Variants in TTC3 observed in about 807,000 individuals in gnomAD.
TTC3 encodes tetratricopeptide repeat domain 3.
In TTC3, 180 loss-of-function variants were observed where a neutral mutation model predicts 249.6. That is an observed-to-expected ratio of 0.72 (90% CI 0.64 to 0.82). TTC3 has a LOEUF of 0.82. Ranked by LOEUF, TTC3 falls within the 40% of genes least tolerant of loss-of-function variation. The pLI is 0.00. For missense variants in TTC3, 2,061 were observed against 2,398.4 expected (o/e 0.86, Z 2.94); for synonymous variants, 717 against 805.0 (o/e 0.89, Z 1.85).
At chr21:37,146,376 A>G (rs2078981350) in intron 21 of TTC3, among the ~76,000 whole-genome samples, 1 of 152,224 alleles carries the variant, frequency 6.6e-6, no homozygotes, top group South Asian at 2.1e-4. Flanking sequence ...AAAATTAGCC[A>G]AACATAGTGG....
At chr21:37,151,842 G>A in intron 25 of TTC3, 51 bp from the exon 26 acceptor site, 1 of 1,496,944 alleles carries the variant, frequency 6.7e-7, no homozygotes, top group Non-Finnish European at 8.9e-7. Flanking sequence ...TTCTACGATA[G>A]TCAAAGGAAA....
intron 13 of TTC3, among the ~76,000 whole-genome samples, chr21:37,123,996 G>A (rs896697894): frequency 1.3e-5 from 2 of 151,522 alleles, no homozygotes; most frequent in Non-Finnish European, 2.9e-5. Flanking sequence ...TGATCCGCTC[G>A]CCTTGGCCTC....
intron 14 of TTC3, 93 bp downstream of exon 14, chr21:37,124,835 G>T (rs2076928570): frequency 2.1e-6 from 3 of 1,424,006 alleles, no homozygotes; most frequent in South Asian, 1.4e-5. Flanking sequence ...CCAAATTTTT[G>T]GCGATTTGAA....
intron 34 of TTC3, among the ~76,000 whole-genome samples, chr21:37,170,484 T>C (rs2081664398): frequency 6.6e-6 from 1 of 152,212 alleles, no homozygotes. Flanking sequence ...CATATATGTA[T>C]AGAGAGACCA....
chr21:37,170,813 AAG>A (rs1159856058), intron 34 of TTC3, among the ~76,000 whole-genome samples: 1 of 152,218 alleles, frequency 6.6e-6, no homozygotes, highest in Non-Finnish European at 1.5e-5. Flanking sequence ...AAAATTATGA[AAG>A]AGAAATTGAA....
intron 10 of TTC3, among the ~76,000 whole-genome samples, chr21:37,105,484 CAGA>C (rs1018384513): frequency 6.6e-6 from 1 of 152,110 alleles, no homozygotes; most frequent in Non-Finnish European, 1.5e-5. Flanking sequence ...ACATCTTTAG[CAGA>C]AGAAGGACAA....
chr21:37,167,593 G>C (rs2081362892), exon 34 of TTC3: 1 of 1,610,160 alleles, frequency 6.2e-7, no homozygotes, highest in African/African-American at 1.3e-5. Flanking sequence ...TCAATACTGA[G>C]CCATATAATC....
At chr21:37,166,910 G>A (rs3746872) in intron 33 of TTC3, among the ~76,000 whole-genome samples, 1,560 of 152,250 alleles carry the variant, frequency 0.01, 16 homozygotes, top group East Asian at 0.03. Context: ...AATTAATAAA[G>A]GTGCTGGAGG....
intron 16 of TTC3, among the ~76,000 whole-genome samples, chr21:37,130,500 C>A (rs1343257584): frequency 3.3e-5 from 5 of 152,104 alleles, no homozygotes; most frequent in Non-Finnish European, 7.3e-5. Flanking sequence ...AATGGGATAA[C>A]CACGTAAAAC....
At chr21:37,197,250 C>T (rs2148240682) in intron 42 of TTC3, among the ~76,000 whole-genome samples, 1 of 152,224 alleles carries the variant, frequency 6.6e-6, no homozygotes, top group East Asian at 1.9e-4. Flanking sequence ...TCGGGACCAG[C>T]CTGACCAACA....
chr21:37,110,913 A>G (rs2075599582), intron 11 of TTC3, among the ~76,000 whole-genome samples: 1 of 152,226 alleles, frequency 6.6e-6, no homozygotes, highest in South Asian at 2.1e-4. Context: ...ACATTCTTAA[A>G]GAAAAGAATT....
intron 32 of TTC3, among the ~76,000 whole-genome samples, chr21:37,164,929 G>A (rs1426092745): frequency 2.0e-5 from 3 of 152,124 alleles, no homozygotes; most frequent in African/African-American, 7.2e-5. Flanking sequence ...CTGTTTTCCT[G>A]TATTGCATCA....
intron 10 of TTC3, among the ~76,000 whole-genome samples, chr21:37,107,000 G>T (rs926735265): frequency 2.6e-5 from 4 of 151,728 alleles, no homozygotes; most frequent in Non-Finnish European, 5.9e-5. Flanking sequence ...CACGAATCAG[G>T]TCATTATGTG....
intron 1 of TTC3, among the ~76,000 whole-genome samples, chr21:37,075,185 G>C (rs957944767): frequency 7.6e-6 from 1 of 130,842 alleles, no homozygotes; most frequent in Admixed American, 8.1e-5. Context: ...TTTTTGCTCA[G>C]CATCATATTT....
exon 28 of TTC3, chr21:37,156,685 G>A (rs62223645): frequency 0.042 from 67,704 of 1,613,268 alleles, 1,654 homozygotes; most frequent in Non-Finnish European, 0.049. Flanking sequence ...TTCTTTTCTC[G>A]TTATGGAGCA....
intron 10 of TTC3, among the ~76,000 whole-genome samples, chr21:37,102,022 C>A (rs1051670899): frequency 1.5e-5 from 2 of 135,872 alleles, no homozygotes; most frequent in Non-Finnish European, 3.3e-5. Flanking sequence ...ATTATATATA[C>A]CTATGCAATG....
chr21:37,170,717 G>A lies in TTC3; in HGVS notation c.4468-1878G>A, dbSNP rs1308258469. ...AAGAAGGTCAGAGCTTGTGTTTCCT[G>A]CTGCTATTTGTACAAATAGTGTTTA... On this transcript the variant is annotated intron_variant, in intron 34 of 45. Transcript: ENST00000355666. Among the ~76,000 whole-genome samples, 3 of 152,152 alleles carry A rather than the reference G, an allele frequency of 2.0e-5. No individual in the cohort carries two copies. In the South Asian group the frequency reaches 6.2e-4, roughly 31 times the overall value.
chr21:37,116,638 G>C (rs975244873), intron 11 of TTC3, among the ~76,000 whole-genome samples: 2 of 151,522 alleles, frequency 1.3e-5, no homozygotes, highest in African/African-American at 2.4e-5. Flanking sequence ...GTGAAACCCC[G>C]TCTCTACAAA....
intron 11 of TTC3, among the ~76,000 whole-genome samples, chr21:37,119,295 T>A (rs2076401343): frequency 6.6e-6 from 1 of 152,204 alleles, no homozygotes; most frequent in Non-Finnish European, 1.5e-5. Flanking sequence ...CTTTTCTGAG[T>A]ACTCTACTTG....
Sources: allele counts gnomAD v4.1 joint callset (sites outside exome capture counted in the v4.1 genomes callset), GRCh38; gene constraint gnomAD v4.1.1; transcripts MANE v1.5; gene names NCBI Gene and HGNC (gene_info 2026-07-23, HGNC 2026-07-21).